Variants in MRPS9 observed in about 807,000 individuals in gnomAD.
MRPS9 encodes small ribosomal subunit protein uS9m.
A neutral mutation model predicts 59.9 loss-of-function variants in MRPS9; 45 were observed. The ratio of observed to expected loss-of-function variants is 0.75; its 90% CI spans 0.59 to 0.96. The LOEUF (loss-of-function observed/expected upper bound fraction) is 0.96, where lower values mean the gene tolerates loss of function less well. Among genes scored for constraint, MRPS9 ranks in the 40% least tolerant of loss-of-function variants. The pLI is 0.00. For synonymous variants in MRPS9, 171 were observed against 166.8 expected, an observed-to-expected ratio of 1.03 and a Z score of -0.19; for missense variants, 473 against 481.1, an observed-to-expected ratio of 0.98 and a Z score of 0.16.
At chr2:105,065,879 A>T (rs973769752) in intron 2 of MRPS9, among the ~76,000 whole-genome samples, 2 of 152,246 alleles carry the variant, frequency 1.3e-5, no homozygotes, top group Admixed American at 1.3e-4. Context: ...AGTTAAGCAG[A>T]CACAGAAAGC....
chr2:105,086,190 A>G (rs1680440677), intron 5 of MRPS9, among the ~76,000 whole-genome samples: 1 of 152,092 alleles, frequency 6.6e-6, no homozygotes, highest in Non-Finnish European at 1.5e-5. Context: ...CTTTACATAT[A>G]TTTTCCTATT....
intron 5 of MRPS9, among the ~76,000 whole-genome samples, chr2:105,082,535 G>T (rs1361584397): frequency 6.6e-6 from 1 of 152,180 alleles, no homozygotes; most frequent in East Asian, 1.9e-4. Context: ...ACCTTGCAGT[G>T]CATCTTAAGA....
intron 9 of MRPS9, among the ~76,000 whole-genome samples, chr2:105,095,174 A>T (rs1168676313): frequency 6.6e-6 from 1 of 152,192 alleles, no homozygotes; most frequent in Non-Finnish European, 1.5e-5. Flanking sequence ...TAATAGGAAG[A>T]CTAACCAACC....
At position 105,099,658 on chromosome 2, in the gene MRPS9, T is replaced by C; in HGVS notation, c.1100-12T>C. The C allele has an allele frequency of 6.2e-7, 1 of 1,613,210 alleles. No homozygotes were observed. The highest frequency in any genetic ancestry group is 8.5e-7 in the Non-Finnish European group (1 of 1,179,640). On this transcript the variant is annotated splice_polypyrimidine_tract_variant and intron_variant, in intron 10 of 10. Transcript: ENST00000258455. ...TTAATGGTTCCTAAAGGCTTCTCTT[T>C]TTATGCTGCAGCTGGACTACTTACT...
intron 2 of MRPS9, among the ~76,000 whole-genome samples, chr2:105,068,620 G>A (rs1320101963): frequency 6.6e-6 from 1 of 152,128 alleles, no homozygotes; most frequent in Non-Finnish European, 1.5e-5. Flanking sequence ...CCCAACCCTT[G>A]AGAAATCATT....
At chr2:105,085,579 G>A (rs1680430701) in intron 5 of MRPS9, among the ~76,000 whole-genome samples, 1 of 152,042 alleles carries the variant, frequency 6.6e-6, no homozygotes, top group Admixed American at 6.5e-5. Flanking sequence ...CTCTCAGAAG[G>A]GTTTAGTTTA....
chr2:105,084,903 A>T (rs1004112689), intron 5 of MRPS9, among the ~76,000 whole-genome samples: 3 of 152,160 alleles, frequency 2.0e-5, no homozygotes, highest in African/African-American at 7.2e-5. Flanking sequence ...TTAGAAAAGG[A>T]TTCAACATAT....
At chr2:105,094,228 T>C (rs2104470341) in intron 9 of MRPS9, among the ~76,000 whole-genome samples, 1 of 152,324 alleles carries the variant, frequency 6.6e-6, no homozygotes, top group East Asian at 1.9e-4. Context: ...TCATCAGGCT[T>C]TGCTTAGTTC....
At chr2:105,090,976 T>C (rs944053550) in intron 7 of MRPS9, among the ~76,000 whole-genome samples, 3 of 152,208 alleles carry the variant, frequency 2.0e-5, no homozygotes, top group African/African-American at 7.2e-5. Context: ...TCTAATATCC[T>C]AACTGCCAAG....
chr2:105,081,723 A>G (rs997290331), intron 5 of MRPS9, among the ~76,000 whole-genome samples: 38 of 152,240 alleles, frequency 2.5e-4, no homozygotes, highest in African/African-American at 9.2e-4. Context: ...AAAATGTCAA[A>G]TGATATCTGA....
intron 6 of MRPS9, 42 bp downstream of exon 6, chr2:105,089,111 C>T (rs902585679): frequency 2.7e-6 from 4 of 1,463,384 alleles, no homozygotes; most frequent in African/African-American, 1.4e-5. Context: ...AAAATTTGAA[C>T]TAAAAACATG....
intron 5 of MRPS9, among the ~76,000 whole-genome samples, chr2:105,084,711 C>G (rs1160864346): frequency 1.3e-5 from 2 of 152,134 alleles, no homozygotes; most frequent in African/African-American, 4.8e-5. Context: ...CAAACTGATG[C>G]TAAAATATAT....
chr2:105,093,730 T>A, intron 9 of MRPS9, 92 bp downstream of exon 9: 1 of 553,980 alleles, frequency 1.8e-6, no homozygotes, highest in African/African-American at 1.9e-5. Flanking sequence ...CTTCTAATTC[T>A]GTTTATCTGA....
In MRPS9 at chr2:105,092,535, T is replaced by C; in HGVS notation, c.786T>C (p.Tyr262=). The change falls in exon 8 of 11, where the codon TAT becomes TAC. Residue 262 remains tyrosine, a synonymous_variant. Transcript: ENST00000258455. ...SKKQLIEPVQ[Y]DEQGMAFSKS... ...AACAGCTGATTGAACCTGTACAGTATGATGAGCAAGGAATGGCCTTTAGCA... is the reference window on the plus strand; with the variant it reads ...AACAGCTGATTGAACCTGTACAGTACGATGAGCAAGGAATGGCCTTTAGCA... 1 of 1,609,288 alleles carries C rather than the reference T, an allele frequency of 6.2e-7. No individual in the cohort carries two copies. The highest frequency in any genetic ancestry group is 1.3e-5 in the African/African-American group (1 of 74,904).
chr2:105,043,208 T>C (rs1192752534), intron 1 of MRPS9, among the ~76,000 whole-genome samples: 2 of 152,214 alleles, frequency 1.3e-5, no homozygotes, highest in East Asian at 3.8e-4. Context: ...TAAACAGGGT[T>C]TATGCGTTTT....
intron 7 of MRPS9, among the ~76,000 whole-genome samples, chr2:105,091,698 C>T (rs866883222): frequency 1.3e-5 from 2 of 152,068 alleles, no homozygotes; most frequent in African/African-American, 2.4e-5. Context: ...TTAGTTGTTT[C>T]CTTCTCCATA....
At chr2:105,088,938 C>T in intron 5 of MRPS9, 46 bp from the exon 6 acceptor site, 1 of 1,299,638 alleles carries the variant, frequency 7.7e-7, no homozygotes, top group Non-Finnish European at 1.1e-6. Flanking sequence ...TATAATGTAC[C>T]ATTGCTCTTA....
intron 9 of MRPS9, among the ~76,000 whole-genome samples, chr2:105,096,879 G>GAGATAAAGGGGAT: frequency 6.6e-6 from 1 of 152,286 alleles, no homozygotes; most frequent in African/African-American, 2.4e-5. Flanking sequence ...TTCAAGCTTT[G>GAGATAAAGGGGAT]AAAAGATCTT....
At chr2:105,051,214 T>A (rs921932899) in intron 2 of MRPS9, among the ~76,000 whole-genome samples, 4 of 152,184 alleles carry the variant, frequency 2.6e-5, no homozygotes, top group Non-Finnish European at 5.9e-5. Flanking sequence ...TTTAACGTAA[T>A]TTTTGTGTGT....
Sources: gnomAD v4.1 joint callset for allele counts (sites outside exome capture counted in the v4.1 genomes callset) on GRCh38, gnomAD v4.1.1 for gene constraint, MANE v1.5 for transcripts, NCBI Gene and HGNC (gene_info 2026-07-23, HGNC 2026-07-21) for gene names.